Variants in SORL1 observed in about 807,000 individuals in gnomAD.
The protein encoded by SORL1 is sortilin-related receptor.
Under a neutral mutation model 273.7 loss-of-function variants are expected in SORL1, and 127 were observed. The ratio of observed to expected loss-of-function variants is 0.46; its 90% CI spans 0.40 to 0.54. The LOEUF is 0.54. Among genes scored for constraint, SORL1 ranks in the 20% least tolerant of loss-of-function variants. The pLI is 0.00. For missense variants in SORL1, 2,494 were observed against 2,846.1 expected, an observed-to-expected ratio of 0.88 and a Z score of 2.81; for synonymous variants, 1,031 against 1,067.4, an observed-to-expected ratio of 0.97 and a Z score of 0.66.
rs1863580237 is a variant in SORL1, at chr11:121,612,473, C to A, written c.5323-263C>A. 1.9e-5 allele frequency: 6 copies of A among 309,024 alleles called. No homozygotes were observed. The East Asian group carries it at 4.2e-4, about 22-fold the overall frequency. The allele number at this position is 309,024 out of a possible 1,614,324, so 19.1% of individuals were successfully genotyped here. A position where few individuals can be genotyped will look rare whatever the true frequency, so the allele number is the denominator to read the frequency against. ...ATTAATTGGTTCTCGTCCTTTTATT[C>A]TTCATTCACTTTTTTGTTTCATTGA... On this transcript the variant is annotated intron_variant, in intron 39 of 47. Coordinates refer to ENST00000260197, the MANE Select transcript of SORL1 (RefSeq NM_003105.6).
At chr11:121,497,284 G>T (rs1246602175) in intron 6 of SORL1, among the ~76,000 whole-genome samples, 1 of 152,184 alleles carries the variant, frequency 6.6e-6, no homozygotes, top group African/African-American at 2.4e-5. Context: ...AGTGGCTCTA[G>T]GCTCTAGGAA....
rs1863905094 is a variant in SORL1, at chr11:121,633,542, TTC to T, written c.*3980_*3981del. The T allele has an allele frequency of 6.6e-6, 1 of 152,254 alleles. No individual in the cohort carries two copies. Among genetic ancestry groups the T allele is most frequent in the South Asian group, 2.1e-4 (1 of 4,836 alleles). The allele number at this position is 152,254 out of a possible 1,614,324, so 9.4% of individuals were successfully genotyped here. A position where few individuals can be genotyped will look rare whatever the true frequency, so the allele number is the denominator to read the frequency against. ...CAAAGCGAAATTAAGTATTTATAAT[TTC>T]AATTGCCTCGATAAGTTTCCAAGTC... On this transcript the variant is annotated 3_prime_UTR_variant, in exon 48 of 48. Coordinates refer to ENST00000260197, the MANE Select transcript of SORL1 (RefSeq NM_003105.6).
chr11:121,506,244 C>T (rs1033293973), intron 6 of SORL1, among the ~76,000 whole-genome samples: 13 of 152,016 alleles, frequency 8.6e-5, no homozygotes, highest in African/African-American at 3.1e-4. Flanking sequence ...TCTATTTTGC[C>T]TATTATTATA....
At chr11:121,620,982 C>T in intron 43 of SORL1, 82 bp from the exon 44 acceptor site, 1 of 1,015,718 alleles carries the variant, frequency 9.8e-7, no homozygotes, top group Non-Finnish European at 1.5e-6. Context: ...TATTAATATA[C>T]TACATTGTCC....
At chr11:121,623,172 G>A (rs1047796233) in intron 45 of SORL1, among the ~76,000 whole-genome samples, 1 of 152,168 alleles carries the variant, frequency 6.6e-6, no homozygotes, top group Admixed American at 6.5e-5. Context: ...GTAACAAAGC[G>A]GAAAATTCCA....
At chr11:121,534,190 C>T (rs143030227) in intron 12 of SORL1, among the ~76,000 whole-genome samples, 73 of 152,282 alleles carry the variant, frequency 4.8e-4, no homozygotes, top group African/African-American at 1.7e-3. Flanking sequence ...GAATACATTT[C>T]ATTCTTTGTA....
chr11:121,482,470 G>T (rs1351668280), intron 3 of SORL1, among the ~76,000 whole-genome samples: 1 of 152,218 alleles, frequency 6.6e-6, no homozygotes, highest in Non-Finnish European at 1.5e-5. Flanking sequence ...GAGTGGGTTG[G>T]TGGGGGCAGC....
At chr11:121,568,971 C>A (rs1862794607) in intron 22 of SORL1, among the ~76,000 whole-genome samples, 1 of 152,184 alleles carries the variant, frequency 6.6e-6, no homozygotes, top group Non-Finnish European at 1.5e-5. Flanking sequence ...AGTCCGGGAC[C>A]CCGAACGGAG....
At chr11:121,628,759 T>C (rs557072116) in intron 47 of SORL1, 9 of 152,392 alleles carry the variant, frequency 5.9e-5, no homozygotes, top group African/African-American at 1.9e-4. Flanking sequence ...TGTACAAGTT[T>C]ATTTCTTTCC....
rs1476909602 is a variant in SORL1 at position 121,574,370 on chromosome 11, G to A, written c.3460+7G>A. ...AGTGATGAAAGTCATTGTGGTAAGG[G>A]GACATCACATCCTGAAACCCTGCTC... On this transcript the variant is annotated splice_region_variant and intron_variant, in intron 24 of 47. Coordinates refer to ENST00000260197, the MANE Select transcript of SORL1 (RefSeq NM_003105.6). 1 of 1,612,512 alleles carries A rather than the reference G, an allele frequency of 6.2e-7. No individual in the cohort carries two copies. Among genetic ancestry groups the A allele is most frequent in the Admixed American group, 1.7e-5 (1 of 60,012 alleles).
intron 23 of SORL1, among the ~76,000 whole-genome samples, chr11:121,572,205 C>G (rs542626436): frequency 2.0e-5 from 3 of 152,282 alleles, no homozygotes; most frequent in South Asian, 4.2e-4. Context: ...AATGGACAAG[C>G]TGAATCTTGT....
intron 12 of SORL1, 94 bp from the exon 13 acceptor site, chr11:121,543,454 C>A (rs367972444): frequency 8.1e-6 from 8 of 986,010 alleles, no homozygotes; most frequent in Non-Finnish European, 1.2e-5. Flanking sequence ...CTCCAAGGAG[C>A]CCTGGTTCCT....
At chr11:121,467,203 G>A (rs1861097723) in intron 1 of SORL1, among the ~76,000 whole-genome samples, 3 of 152,028 alleles carry the variant, frequency 2.0e-5, no homozygotes, top group Non-Finnish European at 2.9e-5. Context: ...CTAATTTTTT[G>A]TATTTTTAGT....
At chr11:121,566,672 A>G in intron 21 of SORL1, 1 of 378,184 alleles carries the variant, frequency 2.6e-6, no homozygotes, top group Non-Finnish European at 4.8e-6. Context: ...TCTTTCAGTG[A>G]CCCAATTACA....
intron 6 of SORL1, among the ~76,000 whole-genome samples, chr11:121,511,473 C>T (rs1248425070): frequency 1.3e-5 from 2 of 152,330 alleles, no homozygotes; most frequent in South Asian, 2.1e-4. Flanking sequence ...ATAGCCATGA[C>T]ATTTTATCAA....
chr11:121,562,488 T>C (rs933288314), intron 21 of SORL1, among the ~76,000 whole-genome samples: 1 of 152,206 alleles, frequency 6.6e-6, no homozygotes, highest in Non-Finnish European at 1.5e-5. Context: ...TGTGATGAAA[T>C]CTTGTACTGT....
At chr11:121,584,449 T>C (rs1863062332) in intron 26 of SORL1, among the ~76,000 whole-genome samples, 1 of 152,260 alleles carries the variant, frequency 6.6e-6, no homozygotes, top group Non-Finnish European at 1.5e-5. Context: ...TGTTTCTGTT[T>C]GATATCCTTT....
chr11:121,455,528 C>T (rs1321159407), intron 1 of SORL1, among the ~76,000 whole-genome samples: 1 of 152,236 alleles, frequency 6.6e-6, no homozygotes. Context: ...AATGTCGGTC[C>T]TTTTTCCTCT....
intron 6 of SORL1, among the ~76,000 whole-genome samples, chr11:121,508,992 GC>G (rs1178335554): frequency 6.6e-6 from 1 of 151,972 alleles, no homozygotes; most frequent in East Asian, 1.9e-4. Context: ...CTCCCCACGT[GC>G]CCTCACCAAC....
Sources: allele counts gnomAD v4.1 joint callset (sites outside exome capture counted in the v4.1 genomes callset), GRCh38; gene constraint gnomAD v4.1.1; transcripts MANE v1.5; gene names NCBI Gene and HGNC (gene_info 2026-07-23, HGNC 2026-07-21).